CEP135: variants seen among roughly 807,000 people sequenced by gnomAD.
The protein encoded by CEP135 is centrosomal protein of 135 kDa.
In CEP135, 142 loss-of-function variants were observed where a neutral mutation model predicts 157.3. The observed-to-expected ratio is 0.90, with a 90% confidence interval of 0.79 to 1.04. The LOEUF (loss-of-function observed/expected upper bound fraction) is 1.04, where lower values mean the gene tolerates loss of function less well. Ranked by LOEUF, CEP135 falls within the 50% of genes least tolerant of loss-of-function variation. CEP135 has a pLI of 0.00. For missense variants in CEP135, 1,317 were observed against 1,309.2 expected, an observed-to-expected ratio of 1.01 and a Z score of -0.09; for synonymous variants, 396 against 439.8, an observed-to-expected ratio of 0.90 and a Z score of 1.25.
rs1236457610 is a variant in CEP135, at chr4:56,019,557, T to C, written c.3215+2T>C. ...GTTAACCCTTTCTGAAAGCAAATTG[T>C]AAGTGTCTTAAGTCAACTTATGCAA... On this transcript the variant is annotated splice_donor_variant, in intron 23 of 25. Coordinates refer to ENST00000257287, the MANE Select transcript of CEP135 (RefSeq NM_025009.5). LOFTEE classifies it high-confidence loss of function. The C allele has an allele frequency of 1.5e-5, 24 of 1,600,478 alleles. No individual in the cohort carries two copies. The highest frequency in any genetic ancestry group is 2.0e-5 in the Non-Finnish European group (23 of 1,174,090).
chr4:55,999,450 C>T (rs767841250), intron 16 of CEP135, 33 bp downstream of exon 16: 1 of 1,612,942 alleles, frequency 6.2e-7, no homozygotes, highest in Non-Finnish European at 8.5e-7. Context: ...TCTGCTAATC[C>T]TAATGTACTT....
At chr4:55,986,759 A>G (rs1257277700) in intron 14 of CEP135, among the ~76,000 whole-genome samples, 1 of 152,224 alleles carries the variant, frequency 6.6e-6, no homozygotes, top group African/African-American at 2.4e-5. Context: ...CCCATCACCC[A>G]GGTAGTGAGC....
At chr4:55,990,496 T>C (rs372578784) in intron 14 of CEP135, among the ~76,000 whole-genome samples, 2 of 152,152 alleles carry the variant, frequency 1.3e-5, no homozygotes, top group South Asian at 4.1e-4. Context: ...GTCCCTACAC[T>C]TATTTATTTA....
chr4:56,010,360 C>CA lies in CEP135; in HGVS notation c.2505+475dup, dbSNP rs34182911. Among the ~76,000 whole-genome samples the CA allele has an allele frequency of 6.2e-3, 689 of 110,838 alleles. 1 individual carries two copies. The highest frequency in any genetic ancestry group is 0.014 in the East Asian group (52 of 3,666). The allele number at this position is 110,838 out of a possible 152,430, so 72.7% of individuals were successfully genotyped here. A position where few individuals can be genotyped will look rare whatever the true frequency, so the allele number is the denominator to read the frequency against. On this transcript the variant is annotated intron_variant, in intron 19 of 25. Transcript: ENST00000257287. ...CTGGGCAACAGAGTGAGACTCCATC[C>CA]AAAAAAAAAAAAAAAAAATGGGCAA...
At chr4:56,024,373 G>A in intron 24 of CEP135, 128 bp from the exon 25 acceptor site, 2 of 578,928 alleles carry the variant, frequency 3.5e-6, no homozygotes, top group South Asian at 2.6e-5. Context: ...CAAAGACATA[G>A]GATTTAAATT....
intron 6 of CEP135, among the ~76,000 whole-genome samples, chr4:55,962,162 C>G (rs991564371): frequency 6.6e-6 from 1 of 151,938 alleles, no homozygotes; most frequent in South Asian, 2.1e-4. Context: ...TGCAGTGGCG[C>G]GATCTCGGCT....
rs1432454471 is a variant in CEP135 at position 56,032,987 on chromosome 4, T to A, written c.*1639T>A. On this transcript the variant is annotated 3_prime_UTR_variant, in exon 26 of 26. Coordinates refer to ENST00000257287, the MANE Select transcript of CEP135 (RefSeq NM_025009.5). ...CTGGTTTGCTTTTCTACCACCTTTG[T>A]AATTTTATGTATCCCATCTCCTTTG... 5 of 152,082 alleles carry A rather than the reference T, an allele frequency of 3.3e-5. 1 individual carries two copies. Among genetic ancestry groups the A allele is most frequent in the African/African-American group, 1.2e-4 (5 of 41,410 alleles). 9.4% of individuals were successfully genotyped at this position (152,082 alleles called of 1,614,324 possible).
At chr4:56,020,204 A>G (rs1374103326) in intron 23 of CEP135, among the ~76,000 whole-genome samples, 2 of 152,206 alleles carry the variant, frequency 1.3e-5, no homozygotes, top group Non-Finnish European at 2.9e-5. Flanking sequence ...TAAAAAGGCT[A>G]TGAGATTTGA....
Position 56,017,753 on chromosome 4 carries a change from G to A in CEP135, c.2908G>A (p.Val970Ile). 1 of 1,613,912 alleles carries A rather than the reference G, an allele frequency of 6.2e-7. No individual in the cohort carries two copies. Residue 970 changes from valine to isoleucine, a missense_variant, in exon 22 of 26, where the codon GTA becomes ATA. Coordinates refer to ENST00000257287, the MANE Select transcript of CEP135 (RefSeq NM_025009.5). Reference sequence around the variant, plus strand: ...ACATCAAGAAGATGAGAAAGCAACAGTATTAAATGACTTGTCATCTCTTAG... The same window carrying A: ...ACATCAAGAAGATGAGAAAGCAACAATATTAAATGACTTGTCATCTCTTAG... Reference protein sequence around the residue: ...LRHQEDEKATVLNDLSSLREL... With the variant: ...LRHQEDEKATILNDLSSLREL...
At chr4:55,963,901 A>C (rs1267632293) in intron 6 of CEP135, among the ~76,000 whole-genome samples, 2 of 152,214 alleles carry the variant, frequency 1.3e-5, no homozygotes, top group African/African-American at 4.8e-5. Context: ...TCATTCATTT[A>C]TTCTACCAGG....
Position 55,953,365 on chromosome 4 carries a change from G to A in CEP135, c.304+90G>A, listed in dbSNP as rs528841682. ...GCTAACGTCTAATTTTAAAACTATT[G>A]ATTAGAAAATATAGTAGTCCTACAG... On this transcript the variant is annotated intron_variant, in intron 3 of 25. Coordinates refer to ENST00000257287, the MANE Select transcript of CEP135 (RefSeq NM_025009.5). The A allele has an allele frequency of 3.2e-5, 32 of 1,008,746 alleles. No individual in the cohort carries two copies. The Admixed American group carries it at 5.5e-4, about 17-fold the overall frequency. The allele number at this position is 1,008,746 out of a possible 1,614,324, so 62.5% of individuals were successfully genotyped here.
intron 10 of CEP135, among the ~76,000 whole-genome samples, chr4:55,972,986 G>C (rs1281439574): frequency 6.6e-6 from 1 of 151,970 alleles, no homozygotes; most frequent in Non-Finnish European, 1.5e-5. Flanking sequence ...AGCCGAGATC[G>C]CACCCTTGTA....
At chr4:56,017,514 C>G (rs1730814967) in intron 21 of CEP135, 134 bp from the exon 22 acceptor site, 1 of 659,132 alleles carries the variant, frequency 1.5e-6, no homozygotes, top group Non-Finnish European at 2.5e-6. Context: ...TAGGCAGCTT[C>G]CTGAGAGTAT....
chr4:56,011,516 T>A lies in CEP135; in HGVS notation c.2610T>A (p.Ala870=). The change falls in exon 20 of 26, where the codon GCT becomes GCA. Residue 870 remains alanine, a synonymous_variant. Coordinates refer to ENST00000257287, the MANE Select transcript of CEP135 (RefSeq NM_025009.5). ...TGTCACGATGGGAGAGCTTAATGGC[T>A]GCCAAGGTGAAAAATATTATTTAGG... ...TEVSRWESLM[A]AKEKENQDLL... is the part of the protein sequence containing the mutation. The A allele has an allele frequency of 6.3e-7, 1 of 1,593,172 alleles. No individual in the cohort carries two copies. Among genetic ancestry groups the A allele is most frequent in the South Asian group, 1.2e-5 (1 of 86,406 alleles).
chr4:55,990,681 A>G (rs757591638), intron 14 of CEP135, among the ~76,000 whole-genome samples: 10 of 152,036 alleles, frequency 6.6e-5, no homozygotes, highest in Middle Eastern at 3.4e-3. Flanking sequence ...AAAAAATTTT[A>G]TTGTAGAGAC....
intron 5 of CEP135, among the ~76,000 whole-genome samples, chr4:55,958,962 G>A (rs973192702): frequency 1.3e-5 from 2 of 152,140 alleles, no homozygotes; most frequent in African/African-American, 4.8e-5. Flanking sequence ...GCATGTGCCT[G>A]TGGTCCCAGG....
intron 19 of CEP135, among the ~76,000 whole-genome samples, 177 bp downstream of exon 19, chr4:56,010,080 T>C (rs954333039): frequency 6.6e-6 from 1 of 152,142 alleles, no homozygotes; most frequent in Admixed American, 6.5e-5. Context: ...CCGGGCGCAG[T>C]GGCTCACACC....
In CEP135 at chr4:56,020,775, C is replaced by T. The variant is rs746579770; in HGVS notation, c.3315C>T (p.Tyr1105=). Residue 1105 remains tyrosine, a synonymous_variant, in exon 24 of 26, where the codon TAC becomes TAT. Transcript: ENST00000257287. Reference sequence around the variant, plus strand: ...AAAGGCAGATCTCAACTGAAAGATACGAACGGTAAGACAAATTTTTTTTAC... The same window carrying T: ...AAAGGCAGATCTCAACTGAAAGATATGAACGGTAAGACAAATTTTTTTTAC... ...ALKRQISTER[Y]ERERAIQEMR... is the part of the protein sequence containing the mutation. The T allele has an allele frequency of 5.7e-5, 92 of 1,609,708 alleles. No individual in the cohort carries two copies. Among genetic ancestry groups the T allele is most frequent in the Admixed American group, 2.7e-4 (16 of 59,524 alleles).
intron 13 of CEP135, among the ~76,000 whole-genome samples, chr4:55,984,843 T>C (rs1467005602): frequency 6.6e-6 from 1 of 152,224 alleles, no homozygotes; most frequent in East Asian, 1.9e-4. Context: ...AACTCGCATC[T>C]CTTGCATGGC....
Sources: gnomAD v4.1 joint callset for allele counts (sites outside exome capture counted in the v4.1 genomes callset) on GRCh38, gnomAD v4.1.1 for gene constraint, MANE v1.5 for transcripts, NCBI Gene and HGNC (gene_info 2026-07-23, HGNC 2026-07-21) for gene names.